ZNF425: variants seen among roughly 807,000 people sequenced by gnomAD.
ZNF425 encodes the protein zinc finger protein 425.
ZNF425 carries 21 observed loss-of-function variants against 17.0 expected under a neutral mutation model. The observed-to-expected ratio is 1.23, with a 90% confidence interval of 0.88 to 1.78. The LOEUF (loss-of-function observed/expected upper bound fraction) is 1.78. Among genes scored for constraint, ZNF425 ranks in the 40% most tolerant of loss-of-function variants. The probability of loss-of-function intolerance (pLI) is 0.00; values close to 1 mark genes in which losing one functional copy is unlikely to be tolerated. For synonymous variants in ZNF425, 433 were observed against 384.1 expected (o/e 1.13, Z -1.49); for missense variants, 868 against 967.3 (o/e 0.90, Z 1.36).
At position 149,126,236 on chromosome 7, in the gene ZNF425, C is replaced by T. The variant is rs772874306; in HGVS notation, c.-23G>A. On this transcript the variant is annotated 5_prime_UTR_variant, in exon 1 of 4. Transcript: ENST00000378061. ...CATGGCGGTTCCGCACGAACCGGCC[C>T]TGCCTGGCACGGCCTCCCCTCCGCT... is the stretch of plus-strand genomic sequence containing the variant. 3.7e-6 allele frequency: 6 copies of T among 1,609,324 alleles called. No individual in the cohort carries two copies. Among genetic ancestry groups the T allele is most frequent in the Non-Finnish European group, 4.2e-6 (5 of 1,178,336 alleles).
chr7:149,113,166 G>C (rs1826203503), intron 2 of ZNF425: 1 of 150,768 alleles, frequency 6.6e-6, no homozygotes, highest in African/African-American at 2.4e-5. Flanking sequence ...TAGTAGACAG[G>C]GTTTCACCAT....
chr7:149,106,671 CTT>C (rs1264846247), intron 3 of ZNF425, among the ~76,000 whole-genome samples: 1 of 152,020 alleles, frequency 6.6e-6, no homozygotes, highest in East Asian at 1.9e-4. Flanking sequence ...TAAGAAATAA[CTT>C]AGCATGAAAA....
intron 1 of ZNF425, among the ~76,000 whole-genome samples, chr7:149,124,348 A>G (rs11975406): frequency 0.05 from 5,741 of 115,050 alleles, 323 homozygotes; most frequent in African/African-American, 0.17. Flanking sequence ...GTAGAGAGGG[A>G]GTTTCACCGT....
intron 2 of ZNF425, among the ~76,000 whole-genome samples, chr7:149,117,118 A>T (rs754340809): frequency 4.6e-5 from 7 of 152,004 alleles, no homozygotes; most frequent in African/African-American, 7.2e-5. Context: ...AAAAAAAATT[A>T]GCCAGCGCGG....
intron 3 of ZNF425, among the ~76,000 whole-genome samples, chr7:149,109,006 A>G (rs368229454): frequency 5.6e-5 from 1 of 17,832 alleles, no homozygotes; most frequent in East Asian, 1.7e-3. Context: ...TTTTCCTCCC[A>G]TGTCCCACTA....
At chr7:149,112,559 G>A (rs1826190971) in intron 2 of ZNF425, among the ~76,000 whole-genome samples, 1 of 152,112 alleles carries the variant, frequency 6.6e-6, no homozygotes, top group South Asian at 2.1e-4. Flanking sequence ...CTTGAACCTG[G>A]GAGATGGAGG....
chr7:149,104,773 G>A lies in ZNF425; in HGVS notation c.1098C>T (p.Ser366=). 3.7e-6 allele frequency: 6 copies of A among 1,613,294 alleles called. No homozygotes were observed. The highest frequency in any genetic ancestry group is 5.1e-6 in the Non-Finnish European group (6 of 1,179,864). ...TCTTCAGGGCAGCCTTCCGGGAGAA[G>A]CTCCGGCCACACTCGGGACAGTGGA... ...RPFHCPECGR[S]FSRKAALKTH... is the part of the protein sequence containing the mutation. The change falls in exon 4 of 4, where the codon AGC becomes AGT. Residue 366 remains serine (S), a synonymous_variant. Transcript: ENST00000378061. The surrounding 1 kb of genome is among the most constrained non-coding windows in gnomAD (Gnocchi z 4.3).
intron 1 of ZNF425, among the ~76,000 whole-genome samples, chr7:149,122,760 A>G (rs956313585): frequency 5.9e-5 from 9 of 151,692 alleles, no homozygotes; most frequent in Non-Finnish European, 1.2e-4. Flanking sequence ...CAATGGCGCA[A>G]TCTCGGCTCA....
intron 2 of ZNF425, among the ~76,000 whole-genome samples, chr7:149,112,608 A>G (rs1826192004): frequency 6.6e-6 from 1 of 152,196 alleles, no homozygotes; most frequent in Non-Finnish European, 1.5e-5. Flanking sequence ...ACCCCAGCCT[A>G]GGCAACAGAC....
chr7:149,103,990 G>T lies in ZNF425; in HGVS notation c.1881C>A (p.Ser627Arg). 6.2e-7 allele frequency: 1 copy of T among 1,613,988 alleles called. No individual in the cohort carries two copies. Among genetic ancestry groups the T allele is most frequent in the Non-Finnish European group, 8.5e-7 (1 of 1,179,866 alleles). Residue 627 changes from serine to arginine, a missense_variant, in exon 4 of 4, where the codon AGC becomes AGA. Ser to Arg is a moderately radical substitution (Grantham distance 110, BLOSUM62 -1). Around this residue, in one of 5 missense-constraint regions of ZNF425, gnomAD observed 437 missense variants for 444.2 expected, o/e 0.98. Transcript: ENST00000378061. ...TTTGGCCACTGTGCTGCAGCAGGTG[G>T]CTTTTCAGGTTTCCCTTGAGGCGGA... is the stretch of plus-strand genomic sequence containing the variant. The part of the protein sequence containing the change: ...KTFRLKGNLK[S>R]HLLQHSGQKP...
At chr7:149,123,726 T>A (rs1826398944) in intron 1 of ZNF425, among the ~76,000 whole-genome samples, 2 of 151,936 alleles carry the variant, frequency 1.3e-5, no homozygotes, top group Admixed American at 1.3e-4. Flanking sequence ...GAGACCGGGT[T>A]TCGCCATGTT....
At chr7:149,120,924 T>C (rs191061434) in intron 1 of ZNF425, among the ~76,000 whole-genome samples, 1 of 152,336 alleles carries the variant, frequency 6.6e-6, no homozygotes, top group African/African-American at 2.4e-5. Flanking sequence ...AGAGCTGTTA[T>C]GGACAATCAT....
At position 149,105,413 on chromosome 7, in the gene ZNF425, ATC is replaced by A. The variant is rs1390204519; in HGVS notation, c.456_457del (p.Glu152AspfsTer4). The A allele has an allele frequency of 1.3e-6, 2 of 1,569,090 alleles. No homozygotes were observed. The highest frequency in any genetic ancestry group is 4.5e-5 in the East Asian group (2 of 44,188). On this transcript the variant is annotated frameshift_variant, in exon 4 of 4. Transcript: ENST00000378061. LOFTEE classifies it low-confidence loss of function (END_TRUNC). ...TGTGATGCTGACTTTTTTATTTAGA[ATC>A]TCTGTTTCTCGGAGACTTGGAGACT...
At position 149,103,945 on chromosome 7, in the gene ZNF425, C is replaced by T; in HGVS notation, c.1926G>A (p.Met642Ile). 5 of 1,614,138 alleles carry T rather than the reference C, an allele frequency of 3.1e-6. No individual in the cohort carries two copies. Among genetic ancestry groups the T allele is most frequent in the Non-Finnish European group, 4.2e-6 (5 of 1,180,034 alleles). The change falls in exon 4 of 4, where the codon ATG (methionine) becomes ATA (isoleucine). Residue 642 changes from methionine to isoleucine, a missense_variant. Met to Ile is a conservative substitution (Grantham distance 10). Around this residue, in one of 5 missense-constraint regions of ZNF425, gnomAD observed 437 missense variants for 444.2 expected, o/e 0.98. Transcript: ENST00000378061. ...ACTGTTGAGTGAAACTTTTGCCGCACATCACACAAGAGAATGGCTTTTGGC... is the reference window on the plus strand; with the variant it reads ...ACTGTTGAGTGAAACTTTTGCCGCATATCACACAAGAGAATGGCTTTTGGC... Reference protein sequence around the residue: ...HSGQKPFSCVMCGKSFTQQYR... With the variant: ...HSGQKPFSCVICGKSFTQQYR...
intron 2 of ZNF425, among the ~76,000 whole-genome samples, chr7:149,115,773 T>C (rs980573913): frequency 5.9e-5 from 9 of 151,830 alleles, no homozygotes; most frequent in Admixed American, 5.3e-4. Flanking sequence ...CTCTGAGCCT[T>C]TGGTGGTGTC....
chr7:149,125,968 G>C, intron 1 of ZNF425: 1 of 861,152 alleles, frequency 1.2e-6, no homozygotes, highest in Non-Finnish European at 1.8e-6. Context: ...GGCCACAGAC[G>C]CGCGCGGCCA....
chr7:149,121,079 CTTT>C (rs75534831), intron 1 of ZNF425, among the ~76,000 whole-genome samples: 8 of 62,776 alleles, frequency 1.3e-4, no homozygotes, highest in African/African-American at 6.1e-4. Context: ...TTTTACATTC[CTTT>C]TTTTTTTTTT....
intron 2 of ZNF425, 156 bp from the exon 3 acceptor site, chr7:149,112,451 C>T (rs7784205): frequency 0.016 from 9,407 of 597,924 alleles, 668 homozygotes; most frequent in African/African-American, 0.15. Context: ...CTGGCCAACA[C>T]AGCAAACTCC....
intron 2 of ZNF425, among the ~76,000 whole-genome samples, chr7:149,115,560 C>T (rs1381221212): frequency 6.6e-6 from 1 of 151,752 alleles, no homozygotes; most frequent in Non-Finnish European, 1.5e-5. Context: ...TGTGGTGGCG[C>T]ACGCCTGTAA....
Sources: allele counts gnomAD v4.1 joint callset (sites outside exome capture counted in the v4.1 genomes callset), GRCh38; gene constraint gnomAD v4.1.1; regional missense constraint gnomAD v4.1.1; non-coding constraint Gnocchi (gnomAD v3.1); transcripts MANE v1.5; gene names NCBI Gene and HGNC (gene_info 2026-07-23, HGNC 2026-07-21).